Variants in MAST4 observed in about 807,000 individuals in gnomAD.
MAST4 encodes the protein microtubule associated serine/threonine kinase family member 4, also known as microtubule-associated serine/threonine-protein kinase 4.
A neutral mutation model predicts 162.7 loss-of-function variants in MAST4; 89 were observed. The observed-to-expected ratio is 0.55, with a 90% CI of 0.46 to 0.65. The LOEUF (loss-of-function observed/expected upper bound fraction) is 0.65. Among genes scored for constraint, MAST4 ranks in the 30% least tolerant of loss-of-function variants. The probability of loss-of-function intolerance (pLI) is 0.00; values close to 1 mark genes in which losing one functional copy is unlikely to be tolerated. For missense variants in MAST4, 3,153 were observed against 3,374.0 expected (o/e 0.93, Z 1.62); for synonymous variants, 1,479 against 1,361.1 (o/e 1.09, Z -1.91).
intron 4 of MAST4, among the ~76,000 whole-genome samples, chr5:66,960,003 TA>T (rs1745818429): frequency 6.6e-6 from 1 of 152,220 alleles, no homozygotes; most frequent in Admixed American, 6.5e-5. Flanking sequence ...TTAAATCTGT[TA>T]GTCAAAGATG....
intron 4 of MAST4, among the ~76,000 whole-genome samples, chr5:66,970,725 T>C (rs1286142382): frequency 6.6e-6 from 1 of 152,274 alleles, no homozygotes; most frequent in Non-Finnish European, 1.5e-5. Flanking sequence ...CCAGCATTGA[T>C]GGGAGCTTGC....
chr5:66,777,340 A>G (rs1454292997), intron 2 of MAST4, among the ~76,000 whole-genome samples: 3 of 152,054 alleles, frequency 2.0e-5, no homozygotes, highest in African/African-American at 4.8e-5. Flanking sequence ...AAAAAGTAAT[A>G]ATTTATTTTG....
At position 66,715,640 on chromosome 5, in the gene MAST4, T is replaced by C. The variant is rs566582589; in HGVS notation, c.364-44069T>C. ...ACATATATAATAAACCTGCACATTG[T>C]GCACATGTACCCTAAAACTTAAAGT... is the stretch of plus-strand genomic sequence containing the variant. On this transcript the variant is annotated intron_variant, in intron 1 of 28. Transcript: ENST00000403625. 7.4e-5 allele frequency among the ~76,000 whole-genome samples: 11 copies of C among 148,660 alleles called. No individual in the cohort carries two copies. In the East Asian group the frequency reaches 2.2e-3, roughly 30 times the overall value.
intron 3 of MAST4, among the ~76,000 whole-genome samples, chr5:66,894,046 T>G (rs1382584793): frequency 6.6e-6 from 1 of 152,220 alleles, no homozygotes; most frequent in Non-Finnish European, 1.5e-5. Context: ...AACTCCATTT[T>G]GAGTACCTTT....
At chr5:67,070,420 G>A (rs1760817543) in intron 5 of MAST4, among the ~76,000 whole-genome samples, 1 of 152,134 alleles carries the variant, frequency 6.6e-6, no homozygotes, top group Admixed American at 6.5e-5. Context: ...TTTCTGTCAC[G>A]AGTGCAGTGT....
At chr5:66,851,418 C>T (rs1281942316) in intron 3 of MAST4, among the ~76,000 whole-genome samples, 3 of 152,220 alleles carry the variant, frequency 2.0e-5, no homozygotes, top group African/African-American at 7.2e-5. Context: ...TTGAGGCAAC[C>T]TCTTAGTAAC....
chr5:67,166,058 G>T lies in MAST4; in HGVS notation c.6879G>T (p.Arg2293=), dbSNP rs1445778909. The change falls in exon 29 of 29, where the codon CGG becomes CGT. Residue 2293 remains arginine, a synonymous_variant. Transcript: ENST00000403625. ...AGCCACAACCCACCAGTGGTGGGCG[G>T]CCCCTGGAGGTGCTGGAGAAGCCTG... The part of the protein sequence containing the change: ...DAKPQPTSGG[R]PLEVLEKPVH... The T allele has an allele frequency of 1.9e-6, 3 of 1,613,718 alleles. No individual in the cohort carries two copies. The highest frequency in any genetic ancestry group is 1.6e-4 in the Middle Eastern group (1 of 6,062).
intron 4 of MAST4, among the ~76,000 whole-genome samples, chr5:66,935,691 A>G (rs1043515467): frequency 2.8e-5 from 4 of 144,046 alleles, no homozygotes; most frequent in African/African-American, 1.0e-4. Flanking sequence ...TTTTTTTGAG[A>G]CAGTCTCGCT....
intron 4 of MAST4, among the ~76,000 whole-genome samples, chr5:66,945,553 CT>C (rs1263229845): frequency 1.3e-5 from 2 of 152,026 alleles, no homozygotes; most frequent in African/African-American, 4.8e-5. Flanking sequence ...GGGACTGCCC[CT>C]CAGAGATGAA....
chr5:66,795,980 T>C (rs761594825), intron 3 of MAST4, among the ~76,000 whole-genome samples: 201 of 152,252 alleles, frequency 1.3e-3, no homozygotes, highest in Non-Finnish European at 1.7e-3. Flanking sequence ...CTAGGTTCTG[T>C]TTATAGTGAA....
At chr5:66,879,539 ACT>A (rs1359060979) in intron 3 of MAST4, among the ~76,000 whole-genome samples, 1 of 152,000 alleles carries the variant, frequency 6.6e-6, no homozygotes, top group African/African-American at 2.4e-5. Flanking sequence ...ACAAAGTCTC[ACT>A]CTCTCACCAA....
chr5:66,751,977 G>A (rs1257588159), intron 1 of MAST4, among the ~76,000 whole-genome samples: 6 of 151,526 alleles, frequency 4.0e-5, no homozygotes, highest in Non-Finnish European at 8.8e-5. Context: ...AGAAGAGAGT[G>A]GGGGCCAATA....
intron 1 of MAST4, among the ~76,000 whole-genome samples, chr5:66,673,297 G>C (rs369036106): frequency 6.6e-6 from 1 of 151,894 alleles, no homozygotes; most frequent in Non-Finnish European, 1.5e-5. Flanking sequence ...CTAAAGTTTC[G>C]TGTTATTATA....
chr5:66,923,525 G>T (rs991477137), intron 4 of MAST4, among the ~76,000 whole-genome samples: 3 of 152,176 alleles, frequency 2.0e-5, no homozygotes, highest in Non-Finnish European at 4.4e-5. Flanking sequence ...GCTTTCTGTA[G>T]GTAGAAGTTT....
At chr5:66,891,626 T>C (rs1449883278) in intron 3 of MAST4, among the ~76,000 whole-genome samples, 6 of 152,172 alleles carry the variant, frequency 3.9e-5, no homozygotes, top group Non-Finnish European at 8.8e-5. Context: ...TCCTTCCTGA[T>C]CTCTGTTCCA....
At chr5:66,703,703 T>C (rs1039818237) in intron 1 of MAST4, among the ~76,000 whole-genome samples, 1 of 152,216 alleles carries the variant, frequency 6.6e-6, no homozygotes, top group African/African-American at 2.4e-5. Flanking sequence ...TCACTCCCTG[T>C]TCTCTCCAGA....
intron 1 of MAST4, among the ~76,000 whole-genome samples, chr5:66,740,434 C>T (rs1436645255): frequency 2.0e-5 from 3 of 152,192 alleles, no homozygotes; most frequent in African/African-American, 7.2e-5. Context: ...ATGGAAAATG[C>T]TGTATTTTCT....
intron 1 of MAST4, among the ~76,000 whole-genome samples, chr5:66,723,775 C>A (rs539441375): frequency 6.6e-6 from 1 of 152,186 alleles, no homozygotes; most frequent in East Asian, 1.9e-4. Context: ...ATTTTTCTCA[C>A]CCAGATCATT....
chr5:66,945,606 C>T (rs1440775729), intron 4 of MAST4, among the ~76,000 whole-genome samples: 4 of 152,062 alleles, frequency 2.6e-5, no homozygotes, highest in South Asian at 2.1e-4. Flanking sequence ...AAGCGCATGC[C>T]GTGCCCTTAG....
Sources: gnomAD v4.1 joint callset for allele counts (sites outside exome capture counted in the v4.1 genomes callset) on GRCh38, gnomAD v4.1.1 for gene constraint, MANE v1.5 for transcripts, NCBI Gene and HGNC (gene_info 2026-07-23, HGNC 2026-07-21) for gene names.